COL4A2: variants seen among roughly 807,000 people sequenced by gnomAD.
COL4A2 encodes collagen type IV alpha 2 chain.
Under a neutral mutation model 200.2 loss-of-function variants are expected in COL4A2, and 99 were observed. That is an observed-to-expected ratio of 0.49 (90% CI 0.42 to 0.58). COL4A2 has a LOEUF of 0.58. COL4A2 is among the 20% of genes least tolerant of loss of function. COL4A2 has a pLI of 0.00. For missense variants in COL4A2, 1,950 were observed against 2,314.1 expected, an observed-to-expected ratio of 0.84 and a Z score of 3.23; for synonymous variants, 897 against 900.6, an observed-to-expected ratio of 1.00 and a Z score of 0.07.
At chr13:110,410,061 G>A (rs934696654) in intron 4 of COL4A2, among the ~76,000 whole-genome samples, 3 of 152,178 alleles carry the variant, frequency 2.0e-5, no homozygotes, top group African/African-American at 2.4e-5. Context: ...AGTTCCTAGC[G>A]AGGTGATTTC....
At chr13:110,421,519 C>T (rs1003591308) in intron 4 of COL4A2, among the ~76,000 whole-genome samples, 2 of 152,032 alleles carry the variant, frequency 1.3e-5, no homozygotes, top group Non-Finnish European at 2.9e-5. Context: ...TTGGTAAATC[C>T]GTAGAGACAG....
intron 4 of COL4A2, 72 bp from the exon 5 acceptor site, chr13:110,424,662 A>C: frequency 1.0e-6 from 1 of 998,976 alleles, no homozygotes; most frequent in Admixed American, 2.5e-5. Flanking sequence ...TGTAGTTTTG[A>C]AAGTAACCGT....
At chr13:110,421,045 C>A (rs755962838) in intron 4 of COL4A2, among the ~76,000 whole-genome samples, 10 of 152,300 alleles carry the variant, frequency 6.6e-5, no homozygotes, top group Middle Eastern at 3.4e-3. Flanking sequence ...GTGATGCCAT[C>A]TTGACACTTA....
intron 4 of COL4A2, among the ~76,000 whole-genome samples, chr13:110,417,711 A>T (rs1394985562): frequency 2.0e-4 from 31 of 152,220 alleles, no homozygotes. Context: ...AGCATCAGAC[A>T]GTAAGTAGCA....
intron 3 of COL4A2, among the ~76,000 whole-genome samples, chr13:110,348,678 A>G (rs184028552): frequency 1.8e-4 from 28 of 152,072 alleles, no homozygotes; most frequent in Admixed American, 1.0e-3. Context: ...TGCCTTGAAA[A>G]GATAACTTTT....
intron 34 of COL4A2, among the ~76,000 whole-genome samples, chr13:110,488,332 A>G (rs1269267480): frequency 6.6e-6 from 1 of 152,130 alleles, no homozygotes; most frequent in Non-Finnish European, 1.5e-5. Flanking sequence ...GCCTAGCTAT[A>G]TTAATACTGC....
At chr13:110,408,230 AG>A (rs1052233462) in intron 4 of COL4A2, among the ~76,000 whole-genome samples, 11 of 152,204 alleles carry the variant, frequency 7.2e-5, no homozygotes, top group South Asian at 2.1e-4. Flanking sequence ...TGGGGCCACA[AG>A]GGTCCCCAGG....
chr13:110,331,673 C>T (rs1201374589), intron 3 of COL4A2, among the ~76,000 whole-genome samples: 1 of 152,270 alleles, frequency 6.6e-6, no homozygotes, highest in African/African-American at 2.4e-5. Flanking sequence ...AGGCAATATT[C>T]CAAACACCGA....
Position 110,462,412 on chromosome 13 carries a change from C to T in COL4A2, c.1776+28C>T, listed in dbSNP as rs148511298. On this transcript the variant is annotated intron_variant, in intron 24 of 47. Transcript: ENST00000360467. Reference sequence around the variant, plus strand: ...GAGTAGCCACAAACTGCGGCAGCTCCGTCCTCTCTTCTTCATCCTTCAGGT... The same window carrying T: ...GAGTAGCCACAAACTGCGGCAGCTCTGTCCTCTCTTCTTCATCCTTCAGGT... The T allele has an allele frequency of 5.0e-4, 801 of 1,606,612 alleles. 4 individuals are homozygous for T. In the African/African-American group the frequency reaches 9.4e-3, roughly 19 times the overall value.
intron 41 of COL4A2, 68 bp from the exon 42 acceptor site, chr13:110,503,053 C>T (rs145570935): frequency 4.4e-4 from 645 of 1,459,552 alleles, no homozygotes; most frequent in Non-Finnish European, 5.7e-4. Flanking sequence ...GGTGACGGTG[C>T]ACCTGACTGC....
At chr13:110,383,231 A>G (rs552611847) in intron 4 of COL4A2, among the ~76,000 whole-genome samples, 2 of 152,396 alleles carry the variant, frequency 1.3e-5, no homozygotes, top group South Asian at 2.1e-4. Flanking sequence ...AGGGTCCGGA[A>G]AAAACAAATA....
At chr13:110,387,820 C>T (rs566859007) in intron 4 of COL4A2, among the ~76,000 whole-genome samples, 5 of 152,094 alleles carry the variant, frequency 3.3e-5, no homozygotes, top group South Asian at 4.1e-4. Context: ...TGCAGCTGCT[C>T]AGAGCCACCT....
chr13:110,473,210 C>T (rs559542642), intron 29 of COL4A2, 60 bp downstream of exon 29: 34 of 1,474,486 alleles, frequency 2.3e-5, no homozygotes, highest in East Asian at 9.9e-5. Context: ...CCTCCAAGGG[C>T]GACCCCAATC....
intron 3 of COL4A2, among the ~76,000 whole-genome samples, chr13:110,313,267 C>T (rs535215825): frequency 3.9e-5 from 6 of 152,262 alleles, no homozygotes; most frequent in South Asian, 2.1e-4. Context: ...GGACAGGTGA[C>T]GGCCTAAGTG....
intron 3 of COL4A2, among the ~76,000 whole-genome samples, chr13:110,344,513 G>C (rs369344252): frequency 6.6e-6 from 1 of 152,224 alleles, no homozygotes; most frequent in African/African-American, 2.4e-5. Flanking sequence ...GTATGAGATG[G>C]AAGTCATGTT....
At chr13:110,359,199 T>TA (rs1176100231) in intron 4 of COL4A2, among the ~76,000 whole-genome samples, 2 of 152,338 alleles carry the variant, frequency 1.3e-5, no homozygotes, top group East Asian at 3.9e-4. Context: ...TCATCACCAT[T>TA]ACATCTGGCA....
intron 4 of COL4A2, among the ~76,000 whole-genome samples, chr13:110,409,900 C>G (rs913483720): frequency 1.3e-5 from 2 of 152,062 alleles, no homozygotes; most frequent in East Asian, 3.9e-4. Context: ...ACTGGAGAGA[C>G]GACAGACAAT....
intron 31 of COL4A2, among the ~76,000 whole-genome samples, chr13:110,481,925 G>A (rs1882944515): frequency 1.5e-5 from 2 of 135,994 alleles, no homozygotes; most frequent in Admixed American, 7.1e-5. Context: ...CCTCCGTGCT[G>A]GAGACACACT....
At chr13:110,403,156 C>G (rs1034022792) in intron 4 of COL4A2, among the ~76,000 whole-genome samples, 1 of 152,164 alleles carries the variant, frequency 6.6e-6, no homozygotes, top group Non-Finnish European at 1.5e-5. Flanking sequence ...ATCTCTTTAT[C>G]AAATGTTTGC....
Sources: allele counts gnomAD v4.1 joint callset (sites outside exome capture counted in the v4.1 genomes callset), GRCh38; gene constraint gnomAD v4.1.1; transcripts MANE v1.5; gene names NCBI Gene and HGNC (gene_info 2026-07-23, HGNC 2026-07-21).